The following FMN2 variants were observed in gnomAD, a reference collection of about 807,000 sequenced individuals.
FMN2 encodes formin-2.
In FMN2, 51 loss-of-function variants were observed where a neutral mutation model predicts 142.3. That is an observed-to-expected ratio of 0.36 (90% confidence interval 0.29 to 0.45). The LOEUF (loss-of-function observed/expected upper bound fraction) is 0.45, where lower values mean the gene tolerates loss of function less well. Among genes scored for constraint, FMN2 ranks in the 20% least tolerant of loss-of-function variants. FMN2 has a pLI of 1.00. For missense variants in FMN2, 1,936 were observed against 2,122.8 expected (o/e 0.91, Z 1.73); for synonymous variants, 882 against 869.8 (o/e 1.01, Z -0.25).
At chr1:240,368,634 T>C (rs1672760197) in intron 14 of FMN2, among the ~76,000 whole-genome samples, 2 of 152,304 alleles carry the variant, frequency 1.3e-5, no homozygotes, top group East Asian at 1.9e-4. Context: ...TTTATGTATG[T>C]ATGTATTTAT....
chr1:240,375,856 A>C (rs146463239), intron 14 of FMN2, among the ~76,000 whole-genome samples: 9 of 152,274 alleles, frequency 5.9e-5, no homozygotes, highest in African/African-American at 2.2e-4. Context: ...TAATTTATTT[A>C]TCAGTTAGTA....
At chr1:240,177,516 C>G (rs1220808307) in intron 2 of FMN2, among the ~76,000 whole-genome samples, 3 of 152,100 alleles carry the variant, frequency 2.0e-5, no homozygotes, top group Non-Finnish European at 4.4e-5. Context: ...TACAGCCTGT[C>G]CTTTGACATT....
intron 8 of FMN2, among the ~76,000 whole-genome samples, chr1:240,327,736 A>G (rs1671218844): frequency 6.6e-6 from 1 of 152,212 alleles, no homozygotes; most frequent in Non-Finnish European, 1.5e-5. Flanking sequence ...ATTAAAATGT[A>G]CAGGATCTTC....
At chr1:240,290,132 CTTTTATTT>C (rs1055073781) in intron 7 of FMN2, among the ~76,000 whole-genome samples, 8 of 152,102 alleles carry the variant, frequency 5.3e-5, no homozygotes, top group African/African-American at 1.7e-4. Context: ...TTGCTTTATT[CTTTTATTT>C]TTTTAATGTA....
intron 2 of FMN2, among the ~76,000 whole-genome samples, chr1:240,136,886 C>CA (rs1266430770): frequency 1.3e-5 from 2 of 151,990 alleles, no homozygotes; most frequent in African/African-American, 4.8e-5. Flanking sequence ...GCCTGACCCA[C>CA]ATGGTGAAAC....
intron 7 of FMN2, among the ~76,000 whole-genome samples, chr1:240,271,523 G>A (rs1440518420): frequency 2.0e-5 from 3 of 150,842 alleles, no homozygotes; most frequent in Non-Finnish European, 2.9e-5. Context: ...TCCTCACATG[G>A]GATATAGAAT....
chr1:240,093,815 G>A, intron 1 of FMN2, 91 bp downstream of exon 1: 3 of 918,928 alleles, frequency 3.3e-6, no homozygotes, highest in Non-Finnish European at 4.3e-6. Flanking sequence ...GCTCTGGAAG[G>A]CGGTGACCTG....
At chr1:240,447,860 A>C (rs1675881092) in intron 16 of FMN2, among the ~76,000 whole-genome samples, 1 of 152,190 alleles carries the variant, frequency 6.6e-6, no homozygotes, top group Admixed American at 6.5e-5. Context: ...AGTGAATTGT[A>C]CGGCATGTGA....
chr1:240,338,752 G>A (rs529492986), intron 13 of FMN2, among the ~76,000 whole-genome samples: 153 of 152,278 alleles, frequency 1.0e-3, no homozygotes, highest in African/African-American at 3.5e-3. Context: ...GCCAGTGGGG[G>A]ATGGTTTCAG....
At chr1:240,214,801 C>A (rs1666832175) in intron 6 of FMN2, among the ~76,000 whole-genome samples, 1 of 152,148 alleles carries the variant, frequency 6.6e-6, no homozygotes, top group African/African-American at 2.4e-5. Context: ...TATGGTGGCT[C>A]ACACCTGTAA....
At chr1:240,133,154 G>A (rs1408599624) in intron 2 of FMN2, among the ~76,000 whole-genome samples, 2 of 152,054 alleles carry the variant, frequency 1.3e-5, no homozygotes, top group South Asian at 2.1e-4. Flanking sequence ...AGTGATATAT[G>A]TCTGATCATG....
intron 4 of FMN2, among the ~76,000 whole-genome samples, chr1:240,206,539 A>G (rs1666358074): frequency 6.6e-6 from 1 of 152,150 alleles, no homozygotes; most frequent in Non-Finnish European, 1.5e-5. Context: ...CCCTGTTCTC[A>G]GTGGTCTATT....
intron 14 of FMN2, among the ~76,000 whole-genome samples, chr1:240,383,247 T>TAA: frequency 6.6e-6 from 1 of 151,960 alleles, no homozygotes; most frequent in Non-Finnish European, 1.5e-5. Context: ...TGCAACAGAA[T>TAA]AAAAAATAGA....
intron 1 of FMN2, among the ~76,000 whole-genome samples, chr1:240,102,531 G>A (rs999075701): frequency 1.1e-4 from 17 of 152,116 alleles, no homozygotes; most frequent in African/African-American, 4.1e-4. Context: ...AGTTATGTGA[G>A]CTCTCTGTGG....
chr1:240,176,109 A>G (rs1664901795), intron 2 of FMN2, among the ~76,000 whole-genome samples: 1 of 152,082 alleles, frequency 6.6e-6, no homozygotes, highest in African/African-American at 2.4e-5. Flanking sequence ...TTTTGTTGTC[A>G]TATTCAAGAA....
At chr1:240,108,007 C>T (rs1025890732) in intron 1 of FMN2, among the ~76,000 whole-genome samples, 20 of 152,164 alleles carry the variant, frequency 1.3e-4, no homozygotes, top group African/African-American at 4.6e-4. Context: ...TATGAAGACA[C>T]ATTGTAGGCA....
chr1:240,142,377 A>G (rs1663220611), intron 2 of FMN2, among the ~76,000 whole-genome samples: 1 of 152,194 alleles, frequency 6.6e-6, no homozygotes, highest in South Asian at 2.1e-4. Flanking sequence ...TTTGGTAAAT[A>G]TTAATTGTAT....
chr1:240,206,750 A>C, intron 4 of FMN2, 49 bp from the exon 5 acceptor site: 1 of 1,551,030 alleles, frequency 6.4e-7, no homozygotes, highest in Non-Finnish European at 8.7e-7. Flanking sequence ...TGCTATTTGC[A>C]TTTTTCCTTA....
At chr1:240,287,446 G>A (rs1033634323) in intron 7 of FMN2, among the ~76,000 whole-genome samples, 4 of 152,160 alleles carry the variant, frequency 2.6e-5, no homozygotes, top group Non-Finnish European at 4.4e-5. Flanking sequence ...GGCATGAACC[G>A]TAAATATGGG....
Sources: allele counts gnomAD v4.1 joint callset (sites outside exome capture counted in the v4.1 genomes callset), GRCh38; gene constraint gnomAD v4.1.1; transcripts MANE v1.5; gene names NCBI Gene and HGNC (gene_info 2026-07-23, HGNC 2026-07-21).